HSP90AB1: variants seen among roughly 807,000 people sequenced by gnomAD.
HSP90AB1 encodes heat shock protein HSP 90-beta.
Under a neutral mutation model 67.8 loss-of-function variants are expected in HSP90AB1, and 17 were observed. That is an observed-to-expected ratio of 0.25 (90% CI 0.17 to 0.38). The LOEUF (loss-of-function observed/expected upper bound fraction) is 0.38, where lower values mean the gene tolerates loss of function less well. HSP90AB1 is among the 10% of genes least tolerant of loss of function. The probability of loss-of-function intolerance (pLI) is 1.00; values close to 1 mark genes in which losing one functional copy is unlikely to be tolerated. For missense variants in HSP90AB1, 690 were observed against 899.9 expected (o/e 0.77, Z 2.98); for synonymous variants, 390 against 312.9 (o/e 1.25, Z -2.60).
At chr6:44,247,089 C>G (rs1008433341), upstream of HSP90AB1, 1 of 152,228 alleles carries the variant, frequency 6.6e-6, no homozygotes, top group Non-Finnish European at 1.5e-5. Flanking sequence ...CGACTTGGGG[C>G]ACGCAGTAGC....
rs1352615835 is a variant in HSP90AB1, at chr6:44,250,913, T to G, written c.958-135T>G. The G allele has an allele frequency of 5.1e-6, 4 of 780,324 alleles. No homozygotes were observed. In the East Asian group the frequency reaches 9.8e-5, roughly 19 times the overall value. 48.3% of individuals were successfully genotyped at this position (780,324 alleles called of 1,614,324 possible). A position where few individuals can be genotyped will look rare whatever the true frequency, so the allele number is the denominator to read the frequency against. On this transcript the variant is annotated intron_variant, in intron 6 of 11. Coordinates refer to ENST00000371646, the MANE Select transcript of HSP90AB1 (RefSeq NM_007355.4). ...TCGTGGAGGGCATTAAGGCTCAGTT[T>G]TCTCAGGAGCTGCTTGTTGTGTGTG...
Position 44,250,171 on chromosome 6 carries a change from A to G in HSP90AB1, c.648+17A>G. The G allele has an allele frequency of 6.2e-7, 1 of 1,614,048 alleles. No homozygotes were observed. The highest frequency in any genetic ancestry group is 1.1e-5 in the South Asian group (1 of 91,058). On this transcript the variant is annotated intron_variant, in intron 5 of 11. Coordinates refer to ENST00000371646, the MANE Select transcript of HSP90AB1 (RefSeq NM_007355.4). ...ACCCTTTATGTGAGTATGGACTTTTAAATCTTTTACACTTAACGTGCAGGA... is the reference window on the plus strand; with the variant it reads ...ACCCTTTATGTGAGTATGGACTTTTGAATCTTTTACACTTAACGTGCAGGA...
rs1780275430 is a variant in HSP90AB1, at chr6:44,248,670, CT to C, written c.45del (p.Phe15LeufsTer29). The C allele has an allele frequency of 6.2e-7, 1 of 1,613,922 alleles. No individual in the cohort carries two copies. The highest frequency in any genetic ancestry group is 8.5e-7 in the Non-Finnish European group (1 of 1,179,838). ...CACCATGGAGAGGAGGAGGTGGAGA[CT>C]TTTGCCTTTCAGGCAGAAATTGCCC... ...EVHHGEEEVE[T>X]FAFQAEIAQL... On this transcript the variant is annotated frameshift_variant, in exon 2 of 12. Transcript: ENST00000371646. LOFTEE classifies it high-confidence loss of function.
chr6:44,251,127 A>C lies in HSP90AB1; in HGVS notation c.1037A>C (p.Asn346Thr), dbSNP rs772493245. 3 of 1,614,008 alleles carry C rather than the reference A, an allele frequency of 1.9e-6. No individual in the cohort carries two copies. In the Admixed American group the frequency reaches 5.0e-5, roughly 27 times the overall value. ...PRRAPFDLFENKKKKNNIKLY... is the reference protein window; with the variant it reads ...PRRAPFDLFETKKKKNNIKLY... The stretch of plus-strand genomic sequence containing the variant: ...CGGGCTCCCTTTGACCTTTTTGAGA[A>C]CAAGAAGAAAAAGAACAACATCAAA... Residue 346 changes from asparagine (N) to threonine (T), a missense_variant, in exon 7 of 12, where the codon AAC becomes ACC. Physicochemically the swap from Asn to Thr is moderately conservative, Grantham distance 65. Coordinates refer to ENST00000371646, the MANE Select transcript of HSP90AB1 (RefSeq NM_007355.4).
Position 44,253,628 on chromosome 6 carries a change from C to T in HSP90AB1, c.*30C>T, listed in dbSNP as rs183673959. 1 of 1,562,310 alleles carries T rather than the reference C, an allele frequency of 6.4e-7. No individual in the cohort carries two copies. The highest frequency in any genetic ancestry group is 8.8e-7 in the Non-Finnish European group (1 of 1,133,098). ...GGAGTTCATAGTTGGAAAACTTGTG[C>T]CCTTGTATAGTGTCCCCATGGGCTC... On this transcript the variant is annotated 3_prime_UTR_variant, in exon 12 of 12. Coordinates refer to ENST00000371646, the MANE Select transcript of HSP90AB1 (RefSeq NM_007355.4).
chr6:44,246,394 G>C (rs1007175000), upstream of HSP90AB1: 1 of 152,296 alleles, frequency 6.6e-6, no homozygotes, highest in Admixed American at 6.5e-5. Flanking sequence ...TGCCCCGGCC[G>C]CAGCCGGAGA....
Position 44,253,665 on chromosome 6 carries a change from TCGAGTGCCC to T in HSP90AB1, c.*69_*77del. 8.3e-7 allele frequency: 1 copy of T among 1,204,312 alleles called. No homozygotes were observed. Among genetic ancestry groups the T allele is most frequent in the South Asian group, 1.2e-5 (1 of 82,946 alleles). 74.6% of individuals were successfully genotyped at this position (1,204,312 alleles called of 1,614,324 possible). A position where few individuals can be genotyped will look rare whatever the true frequency, so the allele number is the denominator to read the frequency against. On this transcript the variant is annotated 3_prime_UTR_variant, in exon 12 of 12. Coordinates refer to ENST00000371646, the MANE Select transcript of HSP90AB1 (RefSeq NM_007355.4). ...GTCCCCATGGGCTCCCACTGCAGCC[TCGAGTGCCC>T]CTGTCCCACCTGGCTCCCCCTGCTG... is the stretch of plus-strand genomic sequence containing the variant.
chr6:44,250,343 A>G lies in HSP90AB1; in HGVS notation c.701A>G (p.Lys234Arg). 6.2e-7 allele frequency: 1 copy of G among 1,613,884 alleles called. No individual in the cohort carries two copies. Among genetic ancestry groups the G allele is most frequent in the Non-Finnish European group, 8.5e-7 (1 of 1,179,788 alleles). Residue 234 changes from lysine (K) to arginine (R), a missense_variant, in exon 6 of 12, where the codon AAA becomes AGA. This residue lies in a region of HSP90AB1 where 146 missense variants were observed against 143.7 expected (regional missense o/e 1.02). Transcript: ENST00000371646. Reference sequence around the variant, plus strand: ...AGTGATGATGAGGCAGAGGAAGAGAAAGGTGAGAAAGAAGAGGAAGATAAA... The same window carrying G: ...AGTGATGATGAGGCAGAGGAAGAGAGAGGTGAGAAAGAAGAGGAAGATAAA... ...EISDDEAEEE[K>R]GEKEEEDKDD...
In HSP90AB1 at chr6:44,253,451, T is replaced by C. The variant is rs758604444; in HGVS notation, c.2066-38T>C. 3 of 1,601,896 alleles carry C rather than the reference T, an allele frequency of 1.9e-6. No homozygotes were observed. In the South Asian group the frequency reaches 3.3e-5, roughly 18 times the overall value. Reference sequence around the variant, plus strand: ...CTCCTCTATGGATTTGACTTAATGCTATTTGGTCAAGTCTCACATGGCTTA... The same window carrying C: ...CTCCTCTATGGATTTGACTTAATGCCATTTGGTCAAGTCTCACATGGCTTA... On this transcript the variant is annotated intron_variant, in intron 11 of 11. Coordinates refer to ENST00000371646, the MANE Select transcript of HSP90AB1 (RefSeq NM_007355.4).
intron 1 of HSP90AB1, among the ~76,000 whole-genome samples, chr6:44,248,428 TC>T (rs1428314151): frequency 6.6e-6 from 1 of 152,240 alleles, no homozygotes; most frequent in Middle Eastern, 3.2e-3. Flanking sequence ...ATTTTCTTTT[TC>T]CTTCTGAATT....
Position 44,253,250 on chromosome 6 carries a change from A to G in HSP90AB1, c.1937A>G (p.Lys646Arg), listed in dbSNP as rs1780952053. 2 of 1,614,140 alleles carry G rather than the reference A, an allele frequency of 1.2e-6. No homozygotes were observed. Among genetic ancestry groups the G allele is most frequent in the African/African-American group, 2.7e-5 (2 of 74,946 alleles). The change falls in exon 11 of 12, where the codon AAG becomes AGG. Residue 646 changes from lysine to arginine, a missense_variant. Lys to Arg is a conservative substitution (Grantham distance 26). This residue lies in a region of HSP90AB1 where 120 missense variants were observed against 153.5 expected (regional missense o/e 0.78). Coordinates refer to ENST00000371646, the MANE Select transcript of HSP90AB1 (RefSeq NM_007355.4). Reference protein sequence around the residue: ...ETLRQKAEADKNDKAVKDLVV... With the variant: ...ETLRQKAEADRNDKAVKDLVV... The stretch of plus-strand genomic sequence containing the variant: ...CTGCGGCAGAAGGCTGAGGCCGACA[A>G]GAATGATAAGGCAGTTAAGGACCTG...
intron 10 of HSP90AB1, 22 bp from the exon 11 acceptor site, chr6:44,253,023 A>G: frequency 6.3e-7 from 1 of 1,598,132 alleles, no homozygotes; most frequent in African/African-American, 1.3e-5. Context: ...TGTCAATCTA[A>G]GGCTTTTGTG....
rs1354756286 is a variant in HSP90AB1 at position 44,248,916 on chromosome 6, C to T, written c.147+140C>T. On this transcript the variant is annotated intron_variant, in intron 2 of 11. Transcript: ENST00000371646. Reference sequence around the variant, plus strand: ...AGCTATTCCAAAAAGATGGGTTTTACTCTGGCCATCTTGAACTTGGAAGGG... The same window carrying T: ...AGCTATTCCAAAAAGATGGGTTTTATTCTGGCCATCTTGAACTTGGAAGGG... The T allele has an allele frequency of 1.4e-5, 11 of 774,050 alleles. No homozygotes were observed. In the African/African-American group the frequency reaches 1.7e-4, roughly 12 times the overall value. The allele number at this position is 774,050 out of a possible 1,614,324, so 47.9% of individuals were successfully genotyped here.
In HSP90AB1 at chr6:44,249,817, C is replaced by T. The variant is rs1436208813; in HGVS notation, c.497C>T (p.Thr166Ile). ...GAGTCTTCTGCTGGAGGTTCCTTCA[C>T]TGTGCGTGCTGACCATGGTAAGTTA... is the stretch of plus-strand genomic sequence containing the variant. ...AWESSAGGSF[T>I]VRADHGEPIG... Residue 166 changes from threonine to isoleucine, a missense_variant, in exon 4 of 12, where the codon ACT (threonine) becomes ATT (isoleucine). Physicochemically the swap from Thr to Ile is moderately conservative, Grantham distance 89. Transcript: ENST00000371646. The T allele has an allele frequency of 6.2e-6, 10 of 1,610,174 alleles. No individual in the cohort carries two copies. Among genetic ancestry groups the T allele is most frequent in the Non-Finnish European group, 8.5e-6 (10 of 1,177,626 alleles).
rs1210860757 is a variant in HSP90AB1 at position 44,252,247 on chromosome 6, TTAGA to T, written c.1714_1717del (p.Asp572ArgfsTer6). On this transcript the variant is annotated frameshift_variant, in exon 10 of 12. Transcript: ENST00000371646. LOFTEE classifies it high-confidence loss of function. ...CCTCTGCAAGCTCATGAAAGAAATC[TTAGA>T]TAAGAAGGTTGAGAAGGTAAGCCAT... 2 of 1,613,730 alleles carry T rather than the reference TTAGA, an allele frequency of 1.2e-6. No homozygotes were observed. Among genetic ancestry groups the T allele is most frequent in the Non-Finnish European group, 1.7e-6 (2 of 1,179,986 alleles).
At chr6:44,248,836 G>A (rs1388329659) in intron 2 of HSP90AB1, 60 bp downstream of exon 2, 2 of 1,501,156 alleles carry the variant, frequency 1.3e-6, no homozygotes, top group East Asian at 4.5e-5. Context: ...TAGAAGGAGG[G>A]GAAAGGAGTG....
At chr6:44,253,406 AAGG>A (rs779525024) in intron 11 of HSP90AB1, 28 bp downstream of exon 11, 2 of 1,604,316 alleles carry the variant, frequency 1.2e-6, no homozygotes, top group East Asian at 4.5e-5. Flanking sequence ...TTGGTGTGGC[AAGG>A]AGTTTGTGCA....
chr6:44,253,846 T>TA lies in HSP90AB1; in HGVS notation c.*251dup. On this transcript the variant is annotated 3_prime_UTR_variant, in exon 12 of 12. Transcript: ENST00000371646. ...TATTTTCTTCATTTTGTTCTGAAAT[T>TA]AAAGTATGCAAAATAAAGAATATGC... is the stretch of plus-strand genomic sequence containing the variant. 1 of 732,724 alleles carries TA rather than the reference T, an allele frequency of 1.4e-6. No homozygotes were observed. The highest frequency in any genetic ancestry group is 2.6e-6 in the Non-Finnish European group (1 of 388,746). The allele number at this position is 732,724 out of a possible 1,614,324, so 45.4% of individuals were successfully genotyped here. A position where few individuals can be genotyped will look rare whatever the true frequency, so the allele number is the denominator to read the frequency against.
chr6:44,246,271 G>A (rs989363507), upstream of HSP90AB1: 1 of 152,266 alleles, frequency 6.6e-6, no homozygotes, highest in Admixed American at 6.5e-5. Flanking sequence ...CGGGGAAGGA[G>A]GGGTCAGCCG....
Sources: gnomAD v4.1 joint callset for allele counts (sites outside exome capture counted in the v4.1 genomes callset) on GRCh38, gnomAD v4.1.1 for gene constraint, gnomAD v4.1.1 regional missense constraint, MANE v1.5 for transcripts, NCBI Gene and HGNC (gene_info 2026-07-23, HGNC 2026-07-21) for gene names.